SPTBN4: variants seen among roughly 807,000 people sequenced by gnomAD.
SPTBN4 encodes spectrin beta chain, non-erythrocytic 4.
Under a neutral mutation model 277.8 loss-of-function variants are expected in SPTBN4, and 96 were observed. The ratio of observed to expected loss-of-function variants is 0.35; its 90% CI spans 0.29 to 0.41. SPTBN4 has a LOEUF of 0.41. SPTBN4 is among the 10% of genes least tolerant of loss of function. The pLI is 1.00. For synonymous variants in SPTBN4, 1,481 were observed against 1,580.3 expected, an observed-to-expected ratio of 0.94 and a Z score of 1.49; for missense variants, 3,006 against 3,595.7, an observed-to-expected ratio of 0.84 and a Z score of 4.19.
intron 26 of SPTBN4, among the ~76,000 whole-genome samples, chr19:40,558,231 C>T (rs1599808097): frequency 6.6e-6 from 1 of 151,842 alleles, no homozygotes; most frequent in East Asian, 2.0e-4. Context: ...GTGGCGGGCA[C>T]CTGTAATCCC....
intron 6 of SPTBN4, among the ~76,000 whole-genome samples, chr19:40,495,622 TG>T (rs1367002702): frequency 6.6e-6 from 1 of 151,840 alleles, no homozygotes; most frequent in Non-Finnish European, 1.5e-5. Flanking sequence ...CACTCCAGCC[TG>T]GGCAACAGAG....
chr19:40,565,352 A>G (rs2081081210), intron 27 of SPTBN4, 71 bp from the exon 28 acceptor site: 8 of 1,538,820 alleles, frequency 5.2e-6, no homozygotes, highest in Non-Finnish European at 1.8e-6. Flanking sequence ...TGGGGTCACC[A>G]GGAGCCACAT....
chr19:40,513,882 C>T (rs1369433947), intron 14 of SPTBN4, among the ~76,000 whole-genome samples: 1 of 152,188 alleles, frequency 6.6e-6, no homozygotes, highest in Non-Finnish European at 1.5e-5. Context: ...CTTACATTCG[C>T]CAAGCATGAA....
intron 16 of SPTBN4, among the ~76,000 whole-genome samples, chr19:40,523,177 A>G (rs1377493873): frequency 6.6e-6 from 1 of 152,132 alleles, no homozygotes; most frequent in Non-Finnish European, 1.5e-5. Context: ...GTAGTGGGAT[A>G]GGGCTGGGGT....
intron 29 of SPTBN4, 56 bp downstream of exon 29, chr19:40,565,801 G>A: frequency 3.3e-6 from 5 of 1,527,710 alleles, no homozygotes; most frequent in Non-Finnish European, 4.4e-6. Flanking sequence ...GCTCCAGCCT[G>A]TCCAGCCAAG....
chr19:40,537,780 C>G (rs2080755321), intron 20 of SPTBN4, among the ~76,000 whole-genome samples: 1 of 151,966 alleles, frequency 6.6e-6, no homozygotes, highest in Non-Finnish European at 1.5e-5. Context: ...CAGTGCAGGT[C>G]TCCCAGGGCC....
chr19:40,556,043 G>A (rs1360140910), intron 24 of SPTBN4, 41 bp from the exon 25 acceptor site: 4 of 1,563,186 alleles, frequency 2.6e-6, no homozygotes, highest in Non-Finnish European at 2.6e-6. Flanking sequence ...TGCCCCAGAA[G>A]TCTCAGGGGT....
At chr19:40,573,671 T>C (rs775596834) in intron 35 of SPTBN4, among the ~76,000 whole-genome samples, 1 of 149,386 alleles carries the variant, frequency 6.7e-6, no homozygotes, top group African/African-American at 2.5e-5. Context: ...TCTCTTATGG[T>C]GCATGCCTGT....
At chr19:40,548,667 A>C (rs1305267983) in intron 20 of SPTBN4, among the ~76,000 whole-genome samples, 1 of 151,588 alleles carries the variant, frequency 6.6e-6, no homozygotes, top group East Asian at 1.9e-4. Context: ...GTGAGCCAAG[A>C]TTACGCCATT....
At chr19:40,539,434 C>T (rs972989862) in intron 20 of SPTBN4, among the ~76,000 whole-genome samples, 5 of 152,222 alleles carry the variant, frequency 3.3e-5, no homozygotes, top group African/African-American at 9.7e-5. Flanking sequence ...TGTGCCTTAT[C>T]ACCTGGATAG....
At chr19:40,533,219 T>TTAAC (rs2080698188) in intron 19 of SPTBN4, among the ~76,000 whole-genome samples, 1 of 152,082 alleles carries the variant, frequency 6.6e-6, no homozygotes, top group Non-Finnish European at 1.5e-5. Context: ...GGTAATTGTG[T>TTAAC]TAACCTCTTG....
At chr19:40,553,480 G>C (rs771520150) in intron 22 of SPTBN4, among the ~76,000 whole-genome samples, 19 of 152,200 alleles carry the variant, frequency 1.2e-4, no homozygotes, top group Middle Eastern at 6.8e-3. Context: ...AAAATAAGGA[G>C]AGGACTTGCT....
At chr19:40,512,581 G>A in intron 13 of SPTBN4, 25 bp from the exon 14 acceptor site, 1 of 1,510,076 alleles carries the variant, frequency 6.6e-7, no homozygotes. Context: ...GACCAATCCT[G>A]GATGCTCCCC....
intron 5 of SPTBN4, among the ~76,000 whole-genome samples, chr19:40,493,384 G>A (rs2080159860): frequency 1.3e-5 from 2 of 152,094 alleles, no homozygotes; most frequent in South Asian, 4.1e-4. Flanking sequence ...AAGTAGCTGG[G>A]ACTACTGCAC....
intron 27 of SPTBN4, among the ~76,000 whole-genome samples, chr19:40,563,360 C>T (rs2081061837): frequency 6.6e-6 from 1 of 151,876 alleles, no homozygotes; most frequent in Admixed American, 6.6e-5. Context: ...ACTGATGGAA[C>T]CTTCAGAAAC....
intron 20 of SPTBN4, among the ~76,000 whole-genome samples, chr19:40,538,449 A>G (rs2080763819): frequency 6.6e-6 from 1 of 151,692 alleles, no homozygotes; most frequent in African/African-American, 2.4e-5. Flanking sequence ...GCACCATAGC[A>G]GGGAAGAGCT....
intron 7 of SPTBN4, among the ~76,000 whole-genome samples, chr19:40,499,534 C>G (rs1485386607): frequency 2.6e-5 from 4 of 151,748 alleles, no homozygotes; most frequent in Non-Finnish European, 4.4e-5. Flanking sequence ...GGGCTATAGG[C>G]GTGCACGACC....
At chr19:40,523,168 T>C (rs1397282068) in intron 16 of SPTBN4, among the ~76,000 whole-genome samples, 2 of 151,360 alleles carry the variant, frequency 1.3e-5, no homozygotes, top group African/African-American at 2.4e-5. Flanking sequence ...TACAGGAGGG[T>C]AGTGGGATAG....
At position 40,494,983 on chromosome 19, in the gene SPTBN4, A is replaced by G. The variant is rs1258861638; in HGVS notation, c.668+6A>G. The G allele has an allele frequency of 6.2e-7, 1 of 1,613,958 alleles. No homozygotes were observed. Among genetic ancestry groups the G allele is most frequent in the South Asian group, 1.1e-5 (1 of 91,088 alleles). On this transcript the variant is annotated splice_donor_region_variant and intron_variant, in intron 6 of 35. Transcript: ENST00000598249. ...GCCCTCATTCACCGGCACAGGTACC[A>G]CCTGGCCTGGGACAGCCCAGTCCTG...
Sources: allele counts gnomAD v4.1 joint callset (sites outside exome capture counted in the v4.1 genomes callset), GRCh38; gene constraint gnomAD v4.1.1; transcripts MANE v1.5; gene names NCBI Gene and HGNC (gene_info 2026-07-23, HGNC 2026-07-21).